The following SERPINB2 variants were observed in gnomAD, a reference collection of about 807,000 sequenced individuals.
SERPINB2 encodes the protein plasminogen activator inhibitor 2.
In SERPINB2, 28 loss-of-function variants were observed where a neutral mutation model predicts 39.4. The observed-to-expected ratio is 0.71, with a 90% CI of 0.53 to 0.97. SERPINB2 has a LOEUF of 0.97. SERPINB2 is among the 50% of genes least tolerant of loss of function. The probability of loss-of-function intolerance (pLI) is 0.00; values close to 1 mark genes in which losing one functional copy is unlikely to be tolerated. For missense variants in SERPINB2, 557 were observed against 505.3 expected (o/e 1.10, Z -0.98); for synonymous variants, 209 against 175.1 (o/e 1.19, Z -1.53).
At chr18:63,893,900 A>T (rs1457936378) in intron 2 of SERPINB2, among the ~76,000 whole-genome samples, 2 of 152,222 alleles carry the variant, frequency 1.3e-5, no homozygotes, top group East Asian at 3.9e-4. Context: ...GGGCAAGAAG[A>T]GGCCACACAG....
rs571180676 is a variant in SERPINB2, at chr18:63,903,239, T to C, written c.1182T>C (p.Phe394=). The change falls in exon 8 of 8, where the codon TTT becomes TTC. Residue 394 remains phenylalanine, a synonymous_variant. Transcript: ENST00000299502. ...CACAGTTTGTGGCAGATCATCCTTT[T>C]CTTTTTCTTATTATGCATAAGATAA... ...GGPQFVADHP[F]LFLIMHKITN... 133 of 1,596,408 alleles carry C rather than the reference T, an allele frequency of 8.3e-5. 1 individual carries two copies. Among genetic ancestry groups the C allele is most frequent in the South Asian group, 6.8e-4 (60 of 88,082 alleles).
Position 63,897,773 on chromosome 18 carries a change from C to A in SERPINB2, c.464C>A (p.Ala155Glu), listed in dbSNP as rs1599061936. Reference sequence around the variant, plus strand: ...AAATATTACTCCTCAGAACCCCAGGCAGTAGACTTCCTAGAATGTGCAGAA... The same window carrying A: ...AAATATTACTCCTCAGAACCCCAGGAAGTAGACTTCCTAGAATGTGCAGAA... ...CQKYYSSEPQ[A>E]VDFLECAEEA... The change falls in exon 5 of 8, where the codon GCA becomes GAA. Residue 155 changes from alanine to glutamate, a missense_variant. By Grantham distance (107) the Ala-to-Glu change is moderately radical. Coordinates refer to ENST00000299502, the MANE Select transcript of SERPINB2 (RefSeq NM_002575.3). 1 of 1,613,356 alleles carries A rather than the reference C, an allele frequency of 6.2e-7. No homozygotes were observed. Among genetic ancestry groups the A allele is most frequent in the East Asian group, 2.2e-5 (1 of 44,866 alleles).
At position 63,901,818 on chromosome 18, in the gene SERPINB2, A is replaced by C. The variant is rs1387556948; in HGVS notation, c.614A>C (p.Lys205Thr). The C allele has an allele frequency of 2.5e-6, 4 of 1,604,052 alleles. No individual in the cohort carries two copies. The highest frequency in any genetic ancestry group is 3.4e-6 in the Non-Finnish European group (4 of 1,177,266). Residue 205 changes from lysine to threonine, a missense_variant, in exon 6 of 8, where the codon AAA (lysine) becomes ACA (threonine). Physicochemically the swap from Lys to Thr is moderately conservative, Grantham distance 78. Transcript: ENST00000299502. ...RMVLVNAVYF[K>T]GKWKTPFEKK... ...GTCCTGGTGAATGCTGTCTACTTCA[A>C]AGGAAAGTGGAAAACTCCATTTGAG...
At chr18:63,895,887 A>T (rs2049956466) in intron 3 of SERPINB2, among the ~76,000 whole-genome samples, 1 of 151,834 alleles carries the variant, frequency 6.6e-6, no homozygotes, top group South Asian at 2.1e-4. Flanking sequence ...TATCAATCCT[A>T]TCTATCTATA....
At chr18:63,891,288 C>T in intron 1 of SERPINB2, 148 bp from the exon 2 acceptor site, 8 of 804,770 alleles carry the variant, frequency 9.9e-6, no homozygotes, top group South Asian at 3.6e-5. Context: ...TGAAGCTGTC[C>T]CTGACCTGCC....
In SERPINB2 at chr18:63,891,612, G is replaced by A. The variant is rs751419654; in HGVS notation, c.168G>A (p.Lys56=). The stretch of plus-strand genomic sequence containing the variant: ...GCAGCACCGAAGACCAGATGGCCAA[G>A]GTGAGTTTGAGCTGAAGCTCCACAT... ...SRGSTEDQMA[K]VLQFNEVGAN... The change falls in exon 2 of 8, where the codon AAG becomes AAA. Residue 56 remains lysine (K), a splice_region_variant and synonymous_variant. Transcript: ENST00000299502. The A allele has an allele frequency of 2.5e-6, 4 of 1,612,322 alleles. No individual in the cohort carries two copies. The highest frequency in any genetic ancestry group is 3.4e-6 in the Non-Finnish European group (4 of 1,178,808).
chr18:63,892,451 C>T (rs2049932819), intron 2 of SERPINB2, among the ~76,000 whole-genome samples: 1 of 152,212 alleles, frequency 6.6e-6, no homozygotes, highest in African/African-American at 2.4e-5. Context: ...TTCTTGTGAT[C>T]ATGTTACTTC....
intron 4 of SERPINB2, 30 bp downstream of exon 4, chr18:63,897,249 G>T: frequency 6.3e-7 from 1 of 1,599,886 alleles, no homozygotes; most frequent in South Asian, 1.1e-5. Flanking sequence ...GAAATGGCTG[G>T]ATCCCAAACA....
At chr18:63,888,561 C>G (rs2049906648) in intron 1 of SERPINB2, among the ~76,000 whole-genome samples, 1 of 152,230 alleles carries the variant, frequency 6.6e-6, no homozygotes, top group South Asian at 2.1e-4. Flanking sequence ...TAATTGTAAA[C>G]AAAATTTGTT....
chr18:63,895,459 A>G (rs111712367), intron 3 of SERPINB2, 76 bp downstream of exon 3: 8 of 1,583,306 alleles, frequency 5.1e-6, no homozygotes, highest in Non-Finnish European at 6.9e-6. Context: ...ACAGTGTCAG[A>G]CTGGGAAGGA....
intron 5 of SERPINB2, among the ~76,000 whole-genome samples, chr18:63,900,162 G>A (rs1289394722): frequency 1.3e-5 from 2 of 152,134 alleles, no homozygotes; most frequent in African/African-American, 4.8e-5. Flanking sequence ...AGCTATTTTG[G>A]CAGATTGTTT....
intron 2 of SERPINB2, among the ~76,000 whole-genome samples, chr18:63,894,893 G>T (rs996176802): frequency 6.6e-6 from 1 of 152,088 alleles, no homozygotes; most frequent in Admixed American, 6.6e-5. Flanking sequence ...AGACACACAA[G>T]GTTCTGAGTT....
chr18:63,890,009 T>C (rs2049915780), intron 1 of SERPINB2: 1 of 152,158 alleles, frequency 6.6e-6, no homozygotes, highest in Non-Finnish European at 1.5e-5. Context: ...TTACTTAATG[T>C]TTCTGAGCAT....
chr18:63,900,265 C>A (rs1246229066), intron 5 of SERPINB2, among the ~76,000 whole-genome samples: 3 of 152,124 alleles, frequency 2.0e-5, no homozygotes. Context: ...CATTACTATA[C>A]CCCAATACTA....
rs770256617 is a variant in SERPINB2, at chr18:63,897,733, A to G, written c.424A>G (p.Ile142Val). 1 of 1,594,212 alleles carries G rather than the reference A, an allele frequency of 6.3e-7. No homozygotes were observed. The highest frequency in any genetic ancestry group is 1.1e-5 in the South Asian group (1 of 90,664). ...EKSASFREEY[I>V]RLCQKYYSSE... Reference sequence around the variant, plus strand: ...TCATTTTCTTGCTTTAAAGGAATATATTCGACTCTGTCAGAAATATTACTC... The same window carrying G: ...TCATTTTCTTGCTTTAAAGGAATATGTTCGACTCTGTCAGAAATATTACTC... Residue 142 changes from isoleucine to valine, a missense_variant, in exon 5 of 8, where the codon ATT becomes GTT. Ile to Val is a conservative substitution (Grantham distance 29). Coordinates refer to ENST00000299502, the MANE Select transcript of SERPINB2 (RefSeq NM_002575.3).
At chr18:63,902,767 A>T in intron 7 of SERPINB2, 134 bp from the exon 8 acceptor site, 2 of 1,146,884 alleles carry the variant, frequency 1.7e-6, no homozygotes, top group Non-Finnish European at 2.4e-6. Flanking sequence ...AAATCTGACC[A>T]ATCTGTTAAC....
At position 63,903,411 on chromosome 18, in the gene SERPINB2, G is replaced by A. The variant is rs1289034349; in HGVS notation, c.*106G>A. 8.6e-7 allele frequency: 1 copy of A among 1,161,760 alleles called. No individual in the cohort carries two copies. Among genetic ancestry groups the A allele is most frequent in the African/African-American group, 1.6e-5 (1 of 62,592 alleles). 72.0% of individuals were successfully genotyped at this position (1,161,760 alleles called of 1,614,324 possible). A position where few individuals can be genotyped will look rare whatever the true frequency, so the allele number is the denominator to read the frequency against. On this transcript the variant is annotated 3_prime_UTR_variant, in exon 8 of 8. Transcript: ENST00000299502. ...TTAGAGATGTTTTCTACATATTTCT[G>A]CTCTTCTGAACAACTTCTGCTACCC... is the stretch of plus-strand genomic sequence containing the variant.
At chr18:63,893,708 T>C (rs573651483) in intron 2 of SERPINB2, among the ~76,000 whole-genome samples, 2 of 152,198 alleles carry the variant, frequency 1.3e-5, no homozygotes, top group Non-Finnish European at 2.9e-5. Context: ...TGCAAGAAAG[T>C]TGTGAAGATT....
Position 63,897,754 on chromosome 18 carries a change from T to C in SERPINB2, c.445T>C (p.Tyr149His), listed in dbSNP as rs767647157. Residue 149 changes from tyrosine to histidine, a missense_variant, in exon 5 of 8, where the codon TAC (tyrosine) becomes CAC (histidine). Coordinates refer to ENST00000299502, the MANE Select transcript of SERPINB2 (RefSeq NM_002575.3). ...EEYIRLCQKYYSSEPQAVDFL... is the reference protein window; with the variant it reads ...EEYIRLCQKYHSSEPQAVDFL... ...ATATATTCGACTCTGTCAGAAATAT[T>C]ACTCCTCAGAACCCCAGGCAGTAGA... The C allele has an allele frequency of 6.2e-7, 1 of 1,611,686 alleles. No homozygotes were observed. The highest frequency in any genetic ancestry group is 2.2e-5 in the East Asian group (1 of 44,864).
Sources: gnomAD v4.1 joint callset for allele counts (sites outside exome capture counted in the v4.1 genomes callset) on GRCh38, gnomAD v4.1.1 for gene constraint, MANE v1.5 for transcripts, NCBI Gene and HGNC (gene_info 2026-07-23, HGNC 2026-07-21) for gene names.